Variants in RAD51AP1 observed in about 807,000 individuals in gnomAD.
The protein encoded by RAD51AP1 is RAD51-associated protein 1.
RAD51AP1 carries 14 observed loss-of-function variants against 34.3 expected under a neutral mutation model. The observed-to-expected ratio is 0.41, with a 90% CI of 0.27 to 0.64. The LOEUF (loss-of-function observed/expected upper bound fraction) is 0.64, where lower values mean the gene tolerates loss of function less well. RAD51AP1 is among the 30% of genes least tolerant of loss of function. The pLI, the probability that RAD51AP1 is intolerant of heterozygous loss-of-function variation, is 0.33. For synonymous variants in RAD51AP1, 114 were observed against 129.8 expected (o/e 0.88, Z 0.83); for missense variants, 348 against 386.9 (o/e 0.90, Z 0.84).
intron 6 of RAD51AP1, among the ~76,000 whole-genome samples, chr12:4,549,630 G>A (rs886332062): frequency 6.6e-6 from 1 of 152,124 alleles, no homozygotes; most frequent in Admixed American, 6.5e-5. Flanking sequence ...TACTTTGGGA[G>A]GGCCTGGGAG....
chr12:4,555,941 C>CCTGACACATAATCTCA (rs1269035136), intron 7 of RAD51AP1, among the ~76,000 whole-genome samples: 2 of 152,164 alleles, frequency 1.3e-5, no homozygotes, highest in African/African-American at 4.8e-5. Context: ...AACCCTAGAG[C>CCTGACACATAATCTCA]CTGACACATA....
intron 7 of RAD51AP1, 119 bp downstream of exon 7, chr12:4,553,266 A>G (rs1329793975): frequency 1.1e-6 from 1 of 892,634 alleles, no homozygotes; most frequent in Non-Finnish European, 1.6e-6. Flanking sequence ...TTTCTTGTTA[A>G]AATATGTAAA....
At chr12:4,545,787 C>T in intron 3 of RAD51AP1, 4 of 1,613,204 alleles carry the variant, frequency 2.5e-6, no homozygotes, top group Non-Finnish European at 3.4e-6. Context: ...TGCAGACTCC[C>T]TGAAGGTACT....
intron 3 of RAD51AP1, 80 bp from the exon 4 acceptor site, chr12:4,546,229 T>C (rs1360913711): frequency 9.4e-7 from 1 of 1,060,414 alleles, no homozygotes; most frequent in Non-Finnish European, 1.4e-6. Flanking sequence ...TGAATAGTAA[T>C]TTGGAGAAAT....
intron 7 of RAD51AP1, among the ~76,000 whole-genome samples, chr12:4,554,652 C>T (rs1944569919): frequency 6.6e-6 from 1 of 152,128 alleles, no homozygotes; most frequent in Non-Finnish European, 1.5e-5. Flanking sequence ...GAGCAAGTTG[C>T]TTCACAACTG....
At chr12:4,554,551 T>C (rs1316962330) in intron 7 of RAD51AP1, among the ~76,000 whole-genome samples, 1 of 152,222 alleles carries the variant, frequency 6.6e-6, no homozygotes, top group Non-Finnish European at 1.5e-5. Context: ...TGTTTGTTTA[T>C]GCTTCTTCAC....
At chr12:4,556,541 AT>A (rs1164813881) in intron 8 of RAD51AP1, 39 bp downstream of exon 8, 1 of 1,587,034 alleles carries the variant, frequency 6.3e-7, no homozygotes, top group African/African-American at 1.4e-5. Flanking sequence ...AGCTTGGAAA[AT>A]TATCACTGGT....
rs776117003 is a variant in RAD51AP1 at position 4,556,488 on chromosome 12, A to G, written c.857A>G (p.Lys286Arg). Reference protein sequence around the residue: ...RSPSAESKKPKWVPPAASGGS... With the variant: ...RSPSAESKKPRWVPPAASGGS... ...CCTTCAGCTGAAAGCAAGAAACCTA[A>G]ATGGGTCCCACCAGGTATGGCATAT... The change falls in exon 8 of 9, where the codon AAA (lysine) becomes AGA (arginine). Residue 286 changes from lysine (K) to arginine (R), a missense_variant. Transcript: ENST00000352618. 1.9e-6 allele frequency: 3 copies of G among 1,613,632 alleles called. No individual in the cohort carries two copies. Among genetic ancestry groups the G allele is most frequent in the African/African-American group, 2.7e-5 (2 of 74,910 alleles).
At chr12:4,551,125 C>T (rs1006293000) in intron 6 of RAD51AP1, among the ~76,000 whole-genome samples, 2 of 151,952 alleles carry the variant, frequency 1.3e-5, no homozygotes, top group Non-Finnish European at 2.9e-5. Flanking sequence ...TTCTTGCCGT[C>T]CCTCCTCCCC....
chr12:4,545,086 C>T (rs538432677), intron 3 of RAD51AP1: 3 of 328,880 alleles, frequency 9.1e-6, no homozygotes, highest in South Asian at 5.1e-5. Context: ...TATGCCCACA[C>T]AAAAACCCAT....
intron 3 of RAD51AP1, 41 bp from the exon 4 acceptor site, chr12:4,546,268 A>G: frequency 7.1e-7 from 1 of 1,400,130 alleles, no homozygotes; most frequent in Non-Finnish European, 9.9e-7. Context: ...GTTGAGATTG[A>G]TATTTTGAAG....
At chr12:4,554,750 A>G (rs1026964345) in intron 7 of RAD51AP1, among the ~76,000 whole-genome samples, 1 of 152,250 alleles carries the variant, frequency 6.6e-6, no homozygotes, top group African/African-American at 2.4e-5. Flanking sequence ...TTTTAGTCCT[A>G]CTAGTAATGT....
At chr12:4,549,514 T>G (rs923930514) in intron 6 of RAD51AP1, among the ~76,000 whole-genome samples, 1 of 152,160 alleles carries the variant, frequency 6.6e-6, no homozygotes, top group African/African-American at 2.4e-5. Context: ...GCTTTTTATG[T>G]GCATTATATT....
rs1944608035 is a variant in RAD51AP1 at position 4,559,735 on chromosome 12, C to T, written c.*742C>T. On this transcript the variant is annotated 3_prime_UTR_variant, in exon 9 of 9. Transcript: ENST00000352618. ...GCCTTTCTGTTGTAAATGTAATCTT[C>T]AAGTAGTCACTTTTTGTTAAGTTCT... is the stretch of plus-strand genomic sequence containing the variant. 1 of 152,160 alleles carries T rather than the reference C, an allele frequency of 6.6e-6. No individual in the cohort carries two copies. The highest frequency in any genetic ancestry group is 2.4e-5 in the African/African-American group (1 of 41,436). 9.4% of individuals were successfully genotyped at this position (152,160 alleles called of 1,614,324 possible).
intron 4 of RAD51AP1, 137 bp downstream of exon 4, chr12:4,546,555 A>C (rs769664655): frequency 1.7e-6 from 1 of 573,638 alleles, no homozygotes; most frequent in Non-Finnish European, 3.1e-6. Context: ...TGCAGAGAAT[A>C]CGATTGGATT....
At chr12:4,558,131 A>G (rs954086429) in intron 8 of RAD51AP1, among the ~76,000 whole-genome samples, 1 of 152,068 alleles carries the variant, frequency 6.6e-6, no homozygotes, top group Non-Finnish European at 1.5e-5. Flanking sequence ...TAAATATAAC[A>G]GTGTCCCCAA....
chr12:4,555,608 C>T (rs903015191), intron 7 of RAD51AP1, among the ~76,000 whole-genome samples: 3 of 152,152 alleles, frequency 2.0e-5, no homozygotes, highest in African/African-American at 2.4e-5. Context: ...CTGCTCCAGC[C>T]GTACACTGAA....
chr12:4,552,705 T>TTA (rs937810255), intron 6 of RAD51AP1, among the ~76,000 whole-genome samples: 4 of 152,166 alleles, frequency 2.6e-5, no homozygotes, highest in African/African-American at 9.7e-5. Flanking sequence ...TCTAAATGCA[T>TTA]TATATATATA....
chr12:4,553,626 A>G (rs1591774872), intron 7 of RAD51AP1, among the ~76,000 whole-genome samples: 1 of 143,814 alleles, frequency 7.0e-6, no homozygotes, highest in Admixed American at 6.9e-5. Context: ...CTTTTGCCAC[A>G]TGTTTAGGGC....
Sources: gnomAD v4.1 joint callset for allele counts (sites outside exome capture counted in the v4.1 genomes callset) on GRCh38, gnomAD v4.1.1 for gene constraint, MANE v1.5 for transcripts, NCBI Gene and HGNC (gene_info 2026-07-23, HGNC 2026-07-21) for gene names.